The following CSGALNACT1 variants were observed in gnomAD, a reference collection of about 807,000 sequenced individuals.
CSGALNACT1 encodes the protein chondroitin sulfate N-acetylgalactosaminyltransferase 1.
In CSGALNACT1, 52 loss-of-function variants were observed where a neutral mutation model predicts 51.0. The ratio of observed to expected loss-of-function variants is 1.02; its 90% confidence interval spans 0.82 to 1.29. The LOEUF (loss-of-function observed/expected upper bound fraction) is 1.29. Ranked by LOEUF, CSGALNACT1 falls within the 50% of genes most tolerant of loss-of-function variation. The pLI is 0.00. For synonymous variants in CSGALNACT1, 341 were observed against 254.4 expected, an observed-to-expected ratio of 1.34 and a Z score of -3.24; for missense variants, 935 against 679.2, an observed-to-expected ratio of 1.38 and a Z score of -4.19.
At chr8:19,446,547 A>T (rs2062151000) in intron 5 of CSGALNACT1, among the ~76,000 whole-genome samples, 1 of 152,076 alleles carries the variant, frequency 6.6e-6, no homozygotes, top group African/African-American at 2.4e-5. Flanking sequence ...ACTGAGAGAG[A>T]GTCTCGCTCT....
intron 4 of CSGALNACT1, among the ~76,000 whole-genome samples, chr8:19,468,424 C>T (rs2067238526): frequency 6.6e-6 from 1 of 152,082 alleles, no homozygotes; most frequent in Non-Finnish European, 1.5e-5. Context: ...CCTAAGTCAC[C>T]TTCACAGGTG....
intron 4 of CSGALNACT1, among the ~76,000 whole-genome samples, chr8:19,475,272 A>C (rs1015585739): frequency 6.6e-6 from 1 of 152,206 alleles, no homozygotes; most frequent in African/African-American, 2.4e-5. Flanking sequence ...TAGAGAATGC[A>C]GTAAGACCTG....
chr8:19,518,029 G>A (rs1053399047), intron 3 of CSGALNACT1, among the ~76,000 whole-genome samples: 3 of 152,176 alleles, frequency 2.0e-5, no homozygotes, highest in African/African-American at 7.2e-5. Flanking sequence ...TAAGCACCTG[G>A]AGAGATCAGG....
intron 4 of CSGALNACT1, among the ~76,000 whole-genome samples, chr8:19,487,161 A>T (rs1207520496): frequency 1.3e-5 from 2 of 152,184 alleles, no homozygotes; most frequent in Non-Finnish European, 2.9e-5. Flanking sequence ...TTATCCCCAA[A>T]AGCTTTTGCT....
chr8:19,587,310 C>T (rs991973841), intron 3 of CSGALNACT1, among the ~76,000 whole-genome samples: 2 of 152,186 alleles, frequency 1.3e-5, no homozygotes, highest in African/African-American at 2.4e-5. Flanking sequence ...GCTTAGTCTA[C>T]GACTGGTAGT....
chr8:19,673,231 G>A (rs1049281411), intron 1 of CSGALNACT1, among the ~76,000 whole-genome samples: 1 of 152,214 alleles, frequency 6.6e-6, no homozygotes, highest in African/African-American at 2.4e-5. Context: ...GGGACTCAGA[G>A]CCTTCACTGG....
chr8:19,488,817 C>T (rs1222052194), intron 4 of CSGALNACT1, among the ~76,000 whole-genome samples: 2 of 152,108 alleles, frequency 1.3e-5, no homozygotes, highest in Non-Finnish European at 2.9e-5. Context: ...AAGCTAAGAA[C>T]CCTGTATACC....
At chr8:19,419,942 C>A (rs568644337) in intron 7 of CSGALNACT1, among the ~76,000 whole-genome samples, 5 of 152,286 alleles carry the variant, frequency 3.3e-5, no homozygotes, top group African/African-American at 9.6e-5. Flanking sequence ...ATGATGGGGA[C>A]AGGTTTTCCC....
chr8:19,415,525 G>C (rs1268109668), intron 8 of CSGALNACT1, among the ~76,000 whole-genome samples: 1 of 152,190 alleles, frequency 6.6e-6, no homozygotes, highest in Non-Finnish European at 1.5e-5. Context: ...AATCTGAGTG[G>C]TTTCTGCTTT....
chr8:19,512,637 C>A (rs2078679418), intron 3 of CSGALNACT1, among the ~76,000 whole-genome samples: 1 of 152,056 alleles, frequency 6.6e-6, no homozygotes, highest in Non-Finnish European at 1.5e-5. Context: ...ATAATCAGTT[C>A]TCCGTTTGAG....
At position 19,572,743 on chromosome 8, in the gene CSGALNACT1, A is replaced by C. The variant is rs144068815; in HGVS notation, c.-297+18417T>G. Among the ~76,000 whole-genome samples the C allele has an allele frequency of 9.1e-4, 138 of 152,358 alleles. 1 individual carries two copies. Among genetic ancestry groups the C allele is most frequent in the African/African-American group, 3.0e-3 (126 of 41,580 alleles). On this transcript the variant is annotated intron_variant, in intron 3 of 9. Transcript: ENST00000454498. ...GCAAACGCTAATGGCATTTCACAGCACTATTAAATGTTTACACATTTAATG... is the reference window on the plus strand; with the variant it reads ...GCAAACGCTAATGGCATTTCACAGCCCTATTAAATGTTTACACATTTAATG...
intron 3 of CSGALNACT1, among the ~76,000 whole-genome samples, chr8:19,548,347 A>G (rs1483105330): frequency 1.3e-5 from 2 of 152,224 alleles, no homozygotes; most frequent in East Asian, 1.9e-4. Flanking sequence ...ACAAATTCCA[A>G]TATCAAATAT....
chr8:19,705,770 G>C (rs1182210764), intron 1 of CSGALNACT1, among the ~76,000 whole-genome samples: 1 of 151,976 alleles, frequency 6.6e-6, no homozygotes, highest in Non-Finnish European at 1.5e-5. Context: ...TGTAAGGCTA[G>C]AGTTTCAAAA....
At chr8:19,413,520 C>T (rs185449815) in intron 8 of CSGALNACT1, among the ~76,000 whole-genome samples, 22 of 152,192 alleles carry the variant, frequency 1.4e-4, no homozygotes, top group African/African-American at 4.6e-4. Flanking sequence ...TGGTATTCAG[C>T]GGGTGTATGT....
At chr8:19,652,985 C>G (rs1437294313) in intron 1 of CSGALNACT1, among the ~76,000 whole-genome samples, 1 of 152,124 alleles carries the variant, frequency 6.6e-6, no homozygotes, top group East Asian at 1.9e-4. Context: ...CTTTGCCCTC[C>G]TCTCTTTATA....
At chr8:19,565,206 C>A (rs1440527690) in intron 3 of CSGALNACT1, among the ~76,000 whole-genome samples, 1 of 152,158 alleles carries the variant, frequency 6.6e-6, no homozygotes, top group African/African-American at 2.4e-5. Context: ...CACTTTCCAC[C>A]TTTTTCCAAA....
At chr8:19,540,272 A>G (rs888966194) in intron 3 of CSGALNACT1, among the ~76,000 whole-genome samples, 1 of 152,206 alleles carries the variant, frequency 6.6e-6, no homozygotes, top group African/African-American at 2.4e-5. Flanking sequence ...CTGCTGAATT[A>G]TCATGCAGAC....
rs1466098872 is a variant in CSGALNACT1 at position 19,588,501 on chromosome 8, A to G, written c.-297+2659T>C. ...ACAAATACTGATTACCTAAATGTAA[A>G]TATCACTCGTGAGCATTGCCCATAA... On this transcript the variant is annotated intron_variant, in intron 3 of 9. Transcript: ENST00000454498. 2.6e-5 allele frequency among the ~76,000 whole-genome samples: 4 copies of G among 152,232 alleles called. No homozygotes were observed. The East Asian group carries it at 5.8e-4, about 22-fold the overall frequency.
chr8:19,616,317 T>A (rs1360425488), intron 1 of CSGALNACT1, among the ~76,000 whole-genome samples: 2 of 152,146 alleles, frequency 1.3e-5, no homozygotes, highest in Non-Finnish European at 2.9e-5. Flanking sequence ...AAACATGGCA[T>A]TAGAAGACAC....
Sources: allele counts gnomAD v4.1 joint callset (sites outside exome capture counted in the v4.1 genomes callset), GRCh38; gene constraint gnomAD v4.1.1; transcripts MANE v1.5; gene names NCBI Gene and HGNC (gene_info 2026-07-23, HGNC 2026-07-21).